Variants in SIGLEC7 observed in about 807,000 individuals in gnomAD.
SIGLEC7 encodes sialic acid-binding Ig-like lectin 7.
A neutral mutation model predicts 40.8 loss-of-function variants in SIGLEC7; 33 were observed. The observed-to-expected ratio is 0.81, with a 90% CI of 0.61 to 1.08. The LOEUF (loss-of-function observed/expected upper bound fraction) is 1.08, where lower values mean the gene tolerates loss of function less well. Among genes scored for constraint, SIGLEC7 ranks in the 50% least tolerant of loss-of-function variants. The pLI, the probability that SIGLEC7 is intolerant of heterozygous loss-of-function variation, is 0.00. For synonymous variants in SIGLEC7, 242 were observed against 237.6 expected, an observed-to-expected ratio of 1.02 and a Z score of -0.17; for missense variants, 513 against 576.1, an observed-to-expected ratio of 0.89 and a Z score of 1.12.
At chr19:51,152,984 G>GATCAAACAACTTGTGACTCTCCCTGCCTT in intron 6 of SIGLEC7, 79 bp from the exon 7 acceptor site, 1 of 1,267,066 alleles carries the variant, frequency 7.9e-7, no homozygotes, top group Admixed American at 2.8e-5. Context: ...CCAACCAACC[G>GATCAAACAACTTGTGACTCTCCCTGCCTT]ATCAAACAAC....
chr19:51,153,212 CAAT>C lies in SIGLEC7; in HGVS notation c.1372_1374del (p.Asn458del). On this transcript the variant is annotated inframe_deletion, in exon 7 of 7. Transcript: ENST00000317643. ...ACCTATCAGGACAAGAAGCCACCAA[CAAT>C]GAGTACTCAGAGATCAAGATCCCCA... The C allele has an allele frequency of 3.8e-6, 6 of 1,599,162 alleles. No homozygotes were observed. Among genetic ancestry groups the C allele is most frequent in the Middle Eastern group, 1.7e-4 (1 of 5,990 alleles).
rs2092102492 is a variant in SIGLEC7, at chr19:51,145,707, T to C, written c.761-148T>C. ...TTGTCCTCAAATAAAGGTGGGCAAG[T>C]TTACATTCCCAACAGTGAGCGGTGA... On this transcript the variant is annotated intron_variant, in intron 3 of 6. Transcript: ENST00000317643. This position sits in a 1 kb window ranked among gnomAD's most constrained non-coding sequence, Gnocchi z 4.3. 1 of 905,408 alleles carries C rather than the reference T, an allele frequency of 1.1e-6. No homozygotes were observed. 56.1% of individuals were successfully genotyped at this position (905,408 alleles called of 1,614,324 possible).
chr19:51,149,082 T>C (rs1189926816), intron 6 of SIGLEC7, among the ~76,000 whole-genome samples: 1 of 152,254 alleles, frequency 6.6e-6, no homozygotes, highest in Admixed American at 6.5e-5. Flanking sequence ...GCCTAATGCA[T>C]AGTTTGCAAG....
intron 6 of SIGLEC7, among the ~76,000 whole-genome samples, chr19:51,147,712 C>A (rs2092118722): frequency 2.6e-5 from 4 of 152,104 alleles, no homozygotes; most frequent in Admixed American, 2.6e-4. Flanking sequence ...GTGTCCCCTG[C>A]CCTGATGGGA....
At chr19:51,150,753 A>C (rs1337407874) in intron 6 of SIGLEC7, among the ~76,000 whole-genome samples, 2 of 152,208 alleles carry the variant, frequency 1.3e-5, no homozygotes, top group East Asian at 3.8e-4. Flanking sequence ...AGAGCCTTCC[A>C]GGCAGAGGGA....
chr19:51,150,002 C>T (rs1387212271), intron 6 of SIGLEC7, among the ~76,000 whole-genome samples: 4 of 152,088 alleles, frequency 2.6e-5, no homozygotes, highest in Admixed American at 6.5e-5. Context: ...GATTTTGTAT[C>T]CTGAAACTTT....
At chr19:51,149,386 C>A (rs1446381615) in intron 6 of SIGLEC7, among the ~76,000 whole-genome samples, 1 of 152,152 alleles carries the variant, frequency 6.6e-6, no homozygotes, top group African/African-American at 2.4e-5. Flanking sequence ...GACAGTTATC[C>A]CAGCACCATT....
Position 51,142,759 on chromosome 19 carries a change from A to T in SIGLEC7, c.390A>T (p.Ile130=). Residue 130 remains isoleucine (I), a synonymous_variant, in exon 1 of 7, where the codon ATA becomes ATT. Coordinates refer to ENST00000317643, the MANE Select transcript of SIGLEC7 (RefSeq NM_014385.4). The surrounding 1 kb of genome is among the most constrained non-coding windows in gnomAD (Gnocchi z 5.0). ...RYFFRMEKGN[I]KWNYKYDQLS... is the part of the protein sequence containing the mutation. ...TCTTTCGTATGGAGAAAGGAAATAT[A>T]AAATGGAATTATAAATATGACCAGC... The T allele has an allele frequency of 6.2e-7, 1 of 1,611,572 alleles. No individual in the cohort carries two copies. Among genetic ancestry groups the T allele is most frequent in the Non-Finnish European group, 8.5e-7 (1 of 1,178,508 alleles).
chr19:51,146,894 G>A, intron 5 of SIGLEC7, 44 bp downstream of exon 5: 2 of 1,570,938 alleles, frequency 1.3e-6, no homozygotes, highest in Non-Finnish European at 8.7e-7. Flanking sequence ...CTGGGGGAGG[G>A]CGGACTGGGA....
chr19:51,147,034 C>T (rs1167000737), intron 5 of SIGLEC7, 184 bp downstream of exon 5: 4 of 1,048,466 alleles, frequency 3.8e-6, no homozygotes, highest in Non-Finnish European at 2.8e-6. Flanking sequence ...CTGTGGTGAA[C>T]CTTGGGCCCC....
rs778064322 is a variant in SIGLEC7 at position 51,146,781 on chromosome 19, T to C, written c.1055T>C (p.Leu352Ser). Residue 352 changes from leucine to serine, a missense_variant, in exon 5 of 7, where the codon TTG becomes TCG. Coordinates refer to ENST00000317643, the MANE Select transcript of SIGLEC7 (RefSeq NM_014385.4). ...AAAATGAGGCCTGTATCAGGAGTGT[T>C]GCTGGGGGCGGTCGGGGGAGCTGGA... ...TGKMRPVSGV[L>S]LGAVGGAGAT... The C allele has an allele frequency of 1.9e-6, 3 of 1,613,894 alleles. No individual in the cohort carries two copies. The highest frequency in any genetic ancestry group is 2.5e-6 in the Non-Finnish European group (3 of 1,179,896).
At chr19:51,149,849 T>C (rs1031013381) in intron 6 of SIGLEC7, among the ~76,000 whole-genome samples, 6 of 152,234 alleles carry the variant, frequency 3.9e-5, no homozygotes, top group Non-Finnish European at 8.8e-5. Flanking sequence ...ATTCTCATTG[T>C]AGAGTTCTTT....
Position 51,153,417 on chromosome 19 carries a change from C to G in SIGLEC7, c.*172C>G, listed in dbSNP as rs2092158025. Reference sequence around the variant, plus strand: ...CTGATGACCAAACTCTCCCTTTCCCCATCCAATCGGTCCACACTCCCCGCC... The same window carrying G: ...CTGATGACCAAACTCTCCCTTTCCCGATCCAATCGGTCCACACTCCCCGCC... On this transcript the variant is annotated 3_prime_UTR_variant, in exon 7 of 7. Coordinates refer to ENST00000317643, the MANE Select transcript of SIGLEC7 (RefSeq NM_014385.4). 1 of 481,562 alleles carries G rather than the reference C, an allele frequency of 2.1e-6. No homozygotes were observed. The highest frequency in any genetic ancestry group is 4.1e-5 in the Admixed American group (1 of 24,194). The allele number at this position is 481,562 out of a possible 1,614,324, so 29.8% of individuals were successfully genotyped here.
intron 6 of SIGLEC7, among the ~76,000 whole-genome samples, chr19:51,150,961 T>G (rs1461836268): frequency 6.6e-6 from 1 of 152,134 alleles, no homozygotes; most frequent in Non-Finnish European, 1.5e-5. Flanking sequence ...CAGACGAGAT[T>G]GGGTCCGTTC....
chr19:51,149,060 T>C (rs553211796), intron 6 of SIGLEC7, among the ~76,000 whole-genome samples: 3 of 152,372 alleles, frequency 2.0e-5, no homozygotes, highest in East Asian at 1.9e-4. Flanking sequence ...AGATGCTGGA[T>C]ATTAGACCTT....
Position 51,144,606 on chromosome 19 carries a change from G to C in SIGLEC7, c.634G>C (p.Gly212Arg), listed in dbSNP as rs979584366. 1.9e-6 allele frequency: 3 copies of C among 1,613,564 alleles called. No homozygotes were observed. The highest frequency in any genetic ancestry group is 2.5e-6 in the Non-Finnish European group (3 of 1,179,896). The change falls in exon 2 of 7, where the codon GGC (glycine) becomes CGC (arginine). Residue 212 changes from glycine (G) to arginine (R), a missense_variant. Transcript: ENST00000317643. ...LTLIPQPQHH[G>R]TSLTCQVTLP... is the part of the protein sequence containing the mutation. ...CCTCATCCCACAGCCCCAGCACCACGGCACCAGCCTCACCTGTCAGGTGAC... is the reference window on the plus strand; with the variant it reads ...CCTCATCCCACAGCCCCAGCACCACCGCACCAGCCTCACCTGTCAGGTGAC...
chr19:51,150,562 T>A (rs2092137037), intron 6 of SIGLEC7, among the ~76,000 whole-genome samples: 1 of 152,234 alleles, frequency 6.6e-6, no homozygotes, highest in Non-Finnish European at 1.5e-5. Context: ...TTTGCATCAA[T>A]GTTCATCAAG....
chr19:51,143,356 C>T (rs1297722721), intron 1 of SIGLEC7, among the ~76,000 whole-genome samples: 2 of 152,154 alleles, frequency 1.3e-5, no homozygotes, highest in Non-Finnish European at 2.9e-5. Flanking sequence ...ACGGCCCCTC[C>T]ATCTCTCATG....
intron 6 of SIGLEC7, among the ~76,000 whole-genome samples, chr19:51,152,323 T>A (rs1406230075): frequency 6.6e-6 from 1 of 152,208 alleles, no homozygotes; most frequent in Non-Finnish European, 1.5e-5. Context: ...CCTCCCCATG[T>A]CAATATCCTT....
Sources: gnomAD v4.1 joint callset for allele counts (sites outside exome capture counted in the v4.1 genomes callset) on GRCh38, gnomAD v4.1.1 for gene constraint, Gnocchi (gnomAD v3.1) non-coding constraint, MANE v1.5 for transcripts, NCBI Gene and HGNC (gene_info 2026-07-23, HGNC 2026-07-21) for gene names.